Variants in BTBD9 observed in about 807,000 individuals in gnomAD.
BTBD9 encodes the protein BTB/POZ domain-containing protein 9.
BTBD9 carries 49 observed loss-of-function variants against 64.3 expected under a neutral mutation model. The ratio of observed to expected loss-of-function variants is 0.76; its 90% confidence interval spans 0.61 to 0.97. The LOEUF (loss-of-function observed/expected upper bound fraction) is 0.97, where lower values mean the gene tolerates loss of function less well. BTBD9 is among the 50% of genes least tolerant of loss of function. The pLI is 0.00. For missense variants in BTBD9, 598 were observed against 762.1 expected (o/e 0.78, Z 2.53); for synonymous variants, 260 against 274.7 (o/e 0.95, Z 0.53).
chr6:38,426,494 T>C (rs1357999878), intron 6 of BTBD9, among the ~76,000 whole-genome samples: 1 of 151,926 alleles, frequency 6.6e-6, no homozygotes, highest in Non-Finnish European at 1.5e-5. Flanking sequence ...CCCGTGTTTG[T>C]TAGGGCTCGA....
At chr6:38,417,796 G>GA (rs1338274649) in intron 6 of BTBD9, among the ~76,000 whole-genome samples, 17 of 103,520 alleles carry the variant, frequency 1.6e-4, no homozygotes, top group African/African-American at 4.2e-4. Context: ...GAGAGAGAGA[G>GA]AGAGAAAAAA....
intron 10 of BTBD9, 92 bp from the exon 11 acceptor site, chr6:38,175,274 G>C: frequency 7.4e-7 from 1 of 1,357,732 alleles, no homozygotes; most frequent in South Asian, 1.2e-5. Flanking sequence ...GCCCAGCTTT[G>C]GGGGCCACCA....
chr6:38,451,684 T>C (rs1040168178), intron 6 of BTBD9, among the ~76,000 whole-genome samples: 3 of 152,152 alleles, frequency 2.0e-5, no homozygotes, highest in African/African-American at 7.2e-5. Flanking sequence ...TACTGGTATT[T>C]GTTGCCAAGT....
intron 7 of BTBD9, among the ~76,000 whole-genome samples, chr6:38,317,197 A>G (rs1468380495): frequency 3.3e-5 from 5 of 152,022 alleles, no homozygotes; most frequent in Middle Eastern, 6.3e-3. Context: ...GGGTTTCACT[A>G]TGTTGGCCAG....
chr6:38,302,920 C>T (rs1185210034), intron 7 of BTBD9, among the ~76,000 whole-genome samples: 1 of 151,910 alleles, frequency 6.6e-6, no homozygotes, highest in Non-Finnish European at 1.5e-5. Context: ...TTTCACATAC[C>T]CATTGGCCAT....
chr6:38,206,043 G>A (rs1356878602), intron 9 of BTBD9, among the ~76,000 whole-genome samples: 1 of 151,998 alleles, frequency 6.6e-6, no homozygotes, highest in Non-Finnish European at 1.5e-5. Flanking sequence ...AGACTGCAGA[G>A]GGAAGGCGGG....
chr6:38,283,957 G>A (rs1761620320), intron 8 of BTBD9, among the ~76,000 whole-genome samples: 1 of 152,200 alleles, frequency 6.6e-6, no homozygotes, highest in Admixed American at 6.5e-5. Context: ...CTAGTTTCCT[G>A]TCAATAAATG....
chr6:38,568,677 A>T (rs1198322671), intron 6 of BTBD9, among the ~76,000 whole-genome samples: 1 of 152,156 alleles, frequency 6.6e-6, no homozygotes, highest in Non-Finnish European at 1.5e-5. Flanking sequence ...ACTAACATTC[A>T]TTTCCTCACA....
chr6:38,509,085 G>A, intron 6 of BTBD9, among the ~76,000 whole-genome samples: 1 of 152,192 alleles, frequency 6.6e-6, no homozygotes, highest in East Asian at 1.9e-4. Flanking sequence ...CCAGCACTGA[G>A]GGACAACTGT....
intron 7 of BTBD9, among the ~76,000 whole-genome samples, chr6:38,337,015 A>G (rs1472930506): frequency 6.6e-6 from 1 of 152,152 alleles, no homozygotes. Flanking sequence ...ATATCTGGTT[A>G]GAGAAATAGG....
At chr6:38,610,882 A>T (rs1276026962) in intron 1 of BTBD9, among the ~76,000 whole-genome samples, 1 of 149,226 alleles carries the variant, frequency 6.7e-6, no homozygotes, top group Non-Finnish European at 1.5e-5. Context: ...AAGGTTATTA[A>T]TTACAGCATT....
intron 7 of BTBD9, among the ~76,000 whole-genome samples, chr6:38,331,726 G>A (rs1763682415): frequency 6.6e-6 from 1 of 152,000 alleles, no homozygotes; most frequent in Non-Finnish European, 1.5e-5. Flanking sequence ...TGGGTGGGTG[G>A]TGCATGCCTG....
chr6:38,204,846 A>C (rs547469055), intron 9 of BTBD9, among the ~76,000 whole-genome samples: 3 of 152,286 alleles, frequency 2.0e-5, no homozygotes, highest in East Asian at 1.9e-4. Context: ...GGAAAAAAAA[A>C]CCCTAAATTA....
intron 1 of BTBD9, among the ~76,000 whole-genome samples, chr6:38,607,632 C>G (rs1777474323): frequency 6.6e-6 from 1 of 152,074 alleles, no homozygotes; most frequent in South Asian, 2.1e-4. Context: ...TGGCCTTGGG[C>G]CATCTTTTGA....
At chr6:38,576,663 C>A (rs774900591) in intron 6 of BTBD9, among the ~76,000 whole-genome samples, 3 of 152,100 alleles carry the variant, frequency 2.0e-5, no homozygotes, top group Non-Finnish European at 4.4e-5. Context: ...GGTGAGGGGC[C>A]AGCTCCACAT....
At chr6:38,515,833 T>C (rs967299587) in intron 6 of BTBD9, among the ~76,000 whole-genome samples, 6 of 152,210 alleles carry the variant, frequency 3.9e-5, no homozygotes, top group African/African-American at 1.4e-4. Flanking sequence ...AAAGTACTAC[T>C]TGACGCACCA....
chr6:38,605,990 C>A (rs1777418975), intron 1 of BTBD9, among the ~76,000 whole-genome samples: 1 of 152,186 alleles, frequency 6.6e-6, no homozygotes, highest in African/African-American at 2.4e-5. Flanking sequence ...AGCATAAAAG[C>A]AGGAAGGGTA....
intron 6 of BTBD9, among the ~76,000 whole-genome samples, chr6:38,392,472 C>T (rs760022850): frequency 6.6e-6 from 1 of 152,168 alleles, no homozygotes; most frequent in Non-Finnish European, 1.5e-5. Flanking sequence ...CTGGGGAATA[C>T]AGCCTAAGAA....
intron 7 of BTBD9, among the ~76,000 whole-genome samples, chr6:38,304,140 G>A (rs956246053): frequency 6.6e-6 from 1 of 151,480 alleles, no homozygotes; most frequent in African/African-American, 2.4e-5. Flanking sequence ...ATATGGATAC[G>A]TGTATATCAG....
Sources: allele counts gnomAD v4.1 joint callset (sites outside exome capture counted in the v4.1 genomes callset), GRCh38; gene constraint gnomAD v4.1.1; transcripts MANE v1.5; gene names NCBI Gene and HGNC (gene_info 2026-07-23, HGNC 2026-07-21).